The following PTK7 variants were observed in gnomAD, a reference collection of about 807,000 sequenced individuals.
PTK7 encodes inactive tyrosine-protein kinase 7.
In PTK7, 39 loss-of-function variants were observed where a neutral mutation model predicts 116.6. The observed-to-expected ratio is 0.33, with a 90% CI of 0.26 to 0.44. The LOEUF (loss-of-function observed/expected upper bound fraction) is 0.44, where lower values mean the gene tolerates loss of function less well. Among genes scored for constraint, PTK7 ranks in the 20% least tolerant of loss-of-function variants. PTK7 has a pLI of 1.00. For synonymous variants in PTK7, 546 were observed against 563.6 expected, an observed-to-expected ratio of 0.97 and a Z score of 0.44; for missense variants, 1,169 against 1,425.6, an observed-to-expected ratio of 0.82 and a Z score of 2.90.
At chr6:43,117,368 C>G (rs1768620091) in intron 1 of PTK7, among the ~76,000 whole-genome samples, 1 of 152,156 alleles carries the variant, frequency 6.6e-6, no homozygotes, top group Non-Finnish European at 1.5e-5. Context: ...ACACCAATTG[C>G]ATTTTACAAG....
intron 17 of PTK7, among the ~76,000 whole-genome samples, chr6:43,148,331 A>G (rs1408910214): frequency 6.6e-6 from 1 of 152,196 alleles, no homozygotes; most frequent in East Asian, 1.9e-4. Flanking sequence ...TAGGTACATG[A>G]GTATGACCTG....
At chr6:43,110,410 T>C (rs1457365409) in intron 1 of PTK7, among the ~76,000 whole-genome samples, 1 of 122,050 alleles carries the variant, frequency 8.2e-6, no homozygotes, top group African/African-American at 3.8e-5. Flanking sequence ...TGTTGCTGTT[T>C]TGTTTTTGTT....
At position 43,095,057 on chromosome 6, in the gene PTK7, T is replaced by TAATA. The variant is rs1554147920; in HGVS notation, c.79+18505_79+18508dup. ...AGACTCTGTCTCAAAATAATAATAA[T>TAATA]AATAAATAAATAAATAAAAAGGCCG... On this transcript the variant is annotated intron_variant, in intron 1 of 19. Coordinates refer to ENST00000230419, the MANE Select transcript of PTK7 (RefSeq NM_002821.5). Among the ~76,000 whole-genome samples the TAATA allele has an allele frequency of 4.9e-5, 7 of 143,770 alleles. No homozygotes were observed. In the South Asian group the frequency reaches 8.9e-4, roughly 18 times the overall value. 94.3% of individuals were successfully genotyped at this position (143,770 alleles called of 152,430 possible). A position where few individuals can be genotyped will look rare whatever the true frequency, so the allele number is the denominator to read the frequency against.
intron 1 of PTK7, among the ~76,000 whole-genome samples, chr6:43,095,699 G>A (rs551298397): frequency 1.2e-3 from 178 of 152,290 alleles, no homozygotes; most frequent in Admixed American, 4.8e-3. Context: ...CTTAAATGAT[G>A]GGGAAGAACA....
intron 1 of PTK7, among the ~76,000 whole-genome samples, chr6:43,095,965 A>G (rs888785345): frequency 2.6e-5 from 4 of 152,224 alleles, no homozygotes; most frequent in Non-Finnish European, 5.9e-5. Flanking sequence ...ATGCAGCTAC[A>G]CAGATATGTG....
In PTK7 at chr6:43,110,865, A is replaced by C. The variant is rs562784786; in HGVS notation, c.80-18112A>C. 6.6e-5 allele frequency among the ~76,000 whole-genome samples: 10 copies of C among 152,314 alleles called. No homozygotes were observed. The East Asian group carries it at 1.9e-3, about 29-fold the overall frequency. ...CTTACGTAGTCAGGCATTCTCCTTT[A>C]GATAGCATAGACTTTCCAGGCCTCT... On this transcript the variant is annotated intron_variant, in intron 1 of 19. Transcript: ENST00000230419.
Position 43,076,862 on chromosome 6 carries a change from A to G in PTK7, c.79+295A>G. On this transcript the variant is annotated intron_variant, in intron 1 of 19. Coordinates refer to ENST00000230419, the MANE Select transcript of PTK7 (RefSeq NM_002821.5). This position sits in a 1 kb window ranked among gnomAD's most constrained non-coding sequence, Gnocchi z 5.7. ...GAGAGTTTGCTCGAGAACTGCCGAGAGTTGCTGGCTCTCGGGCCCAGATGG... is the reference window on the plus strand; with the variant it reads ...GAGAGTTTGCTCGAGAACTGCCGAGGGTTGCTGGCTCTCGGGCCCAGATGG... 2 of 1,472,324 alleles carry G rather than the reference A, an allele frequency of 1.4e-6. No individual in the cohort carries two copies. Among genetic ancestry groups the G allele is most frequent in the Non-Finnish European group, 9.0e-7 (1 of 1,108,332 alleles). 91.2% of individuals were successfully genotyped at this position (1,472,324 alleles called of 1,614,324 possible). A position where few individuals can be genotyped will look rare whatever the true frequency, so the allele number is the denominator to read the frequency against.
chr6:43,161,077 C>A lies in PTK7; in HGVS notation c.*196C>A. 1.3e-6 allele frequency: 1 copy of A among 762,054 alleles called. No individual in the cohort carries two copies. Among genetic ancestry groups the A allele is most frequent in the Non-Finnish European group, 2.0e-6 (1 of 496,846 alleles). 47.2% of individuals were successfully genotyped at this position (762,054 alleles called of 1,614,324 possible). A position where few individuals can be genotyped will look rare whatever the true frequency, so the allele number is the denominator to read the frequency against. ...CATCCTTTGGGAGGCTGACTTGGAC[C>A]CAAACTGGGCGACTAGGGCTTTGAG... is the stretch of plus-strand genomic sequence containing the variant. On this transcript the variant is annotated 3_prime_UTR_variant, in exon 20 of 20. Coordinates refer to ENST00000230419, the MANE Select transcript of PTK7 (RefSeq NM_002821.5).
intron 1 of PTK7, among the ~76,000 whole-genome samples, chr6:43,120,957 TG>T (rs1329171439): frequency 2.0e-5 from 3 of 151,944 alleles, no homozygotes; most frequent in Non-Finnish European, 4.4e-5. Flanking sequence ...AGGCATGTAC[TG>T]GGTATAGCCC....
intron 6 of PTK7, 65 bp from the exon 7 acceptor site, chr6:43,132,356 G>C (rs1388574562): frequency 2.0e-6 from 3 of 1,524,614 alleles, no homozygotes; most frequent in African/African-American, 1.4e-5. Flanking sequence ...GCTTGCTGTG[G>C]GAGAACATCA....
chr6:43,159,998 A>G, intron 19 of PTK7, 32 bp downstream of exon 19: 1 of 1,598,114 alleles, frequency 6.3e-7, no homozygotes, highest in South Asian at 1.1e-5. Context: ...GGATGATTCC[A>G]GATGGGCCCC....
chr6:43,083,450 C>T (rs530035953), intron 1 of PTK7, among the ~76,000 whole-genome samples: 6 of 152,388 alleles, frequency 3.9e-5, no homozygotes, highest in African/African-American at 1.2e-4. Context: ...CTTGAGTTCA[C>T]TGCTGAGCCC....
intron 1 of PTK7, among the ~76,000 whole-genome samples, chr6:43,114,067 G>T (rs1370958638): frequency 6.6e-6 from 1 of 152,236 alleles, no homozygotes; most frequent in South Asian, 2.1e-4. Context: ...TGGTGGGAGG[G>T]GGTGGGCAGG....
intron 1 of PTK7, among the ~76,000 whole-genome samples, chr6:43,115,059 T>C (rs1768431751): frequency 1.3e-5 from 2 of 151,870 alleles, no homozygotes; most frequent in African/African-American, 4.8e-5. Context: ...AAAAAAACTT[T>C]ACAAAAAAAT....
intron 1 of PTK7, among the ~76,000 whole-genome samples, chr6:43,122,780 T>C (rs995038926): frequency 6.6e-6 from 1 of 152,102 alleles, no homozygotes; most frequent in Non-Finnish European, 1.5e-5. Flanking sequence ...CTAATTTTTG[T>C]ATTTTTAGTA....
At chr6:43,077,410 C>A (rs188224739) in intron 1 of PTK7, among the ~76,000 whole-genome samples, 51 of 152,222 alleles carry the variant, frequency 3.4e-4, no homozygotes, top group African/African-American at 1.2e-3. Context: ...AAAAAGAGCT[C>A]ATTCTGGCTT....
At chr6:43,137,750 A>G (rs1159149314) in intron 7 of PTK7, among the ~76,000 whole-genome samples, 3 of 152,194 alleles carry the variant, frequency 2.0e-5, no homozygotes, top group Non-Finnish European at 4.4e-5. Flanking sequence ...AAATTCTGTC[A>G]CTATTAGGTA....
intron 1 of PTK7, among the ~76,000 whole-genome samples, chr6:43,083,975 GT>G (rs1766516095): frequency 6.6e-6 from 1 of 152,152 alleles, no homozygotes; most frequent in South Asian, 2.1e-4. Context: ...TTGATGAAAA[GT>G]TTAGTTTCCT....
At chr6:43,125,997 C>G (rs1011542188) in intron 1 of PTK7, among the ~76,000 whole-genome samples, 1 of 152,148 alleles carries the variant, frequency 6.6e-6, no homozygotes, top group African/African-American at 2.4e-5. Flanking sequence ...TGGTCTTTGA[C>G]AAGCCTCCTG....
Sources: gnomAD v4.1 joint callset for allele counts (sites outside exome capture counted in the v4.1 genomes callset) on GRCh38, gnomAD v4.1.1 for gene constraint, Gnocchi (gnomAD v3.1) non-coding constraint, MANE v1.5 for transcripts, NCBI Gene and HGNC (gene_info 2026-07-23, HGNC 2026-07-21) for gene names.